Variants in RNF212B observed in about 807,000 individuals in gnomAD.
The protein encoded by RNF212B is ring finger protein 212B, also known as E3 ubiquitin-protein ligase RNF212B.
RNF212B carries 52 observed loss-of-function variants against 55.5 expected under a neutral mutation model. The observed-to-expected ratio is 0.94, with a 90% confidence interval of 0.75 to 1.18. The LOEUF is 1.18. Ranked by LOEUF, RNF212B falls within the 50% of genes most tolerant of loss-of-function variation. RNF212B has a pLI of 0.00. For synonymous variants in RNF212B, 99 were observed against 121.4 expected (o/e 0.82, Z 1.21); for missense variants, 289 against 350.4 (o/e 0.82, Z 1.40).
At chr14:23,210,883 T>C (rs1694236686) in intron 2 of RNF212B, among the ~76,000 whole-genome samples, 1 of 151,530 alleles carries the variant, frequency 6.6e-6, no homozygotes, top group African/African-American at 2.4e-5. Context: ...AACTTTCCTG[T>C]AAATCTAAAA....
intron 2 of RNF212B, among the ~76,000 whole-genome samples, chr14:23,216,577 A>T (rs570862856): frequency 9.2e-4 from 139 of 151,834 alleles, no homozygotes; most frequent in Middle Eastern, 3.4e-3. Context: ...TAAAAAAAAA[A>T]AAAAATAATA....
intron 1 of RNF212B, among the ~76,000 whole-genome samples, chr14:23,239,860 C>T (rs1883426909): frequency 1.3e-5 from 2 of 152,002 alleles, no homozygotes; most frequent in African/African-American, 4.8e-5. Context: ...TTCAGGTGAT[C>T]CACCTGCCTC....
chr14:23,193,091 T>TAAAAAAAAAAA (rs3045528), intron 1 of RNF212B, among the ~76,000 whole-genome samples: 1 of 113,124 alleles, frequency 8.8e-6, no homozygotes, highest in African/African-American at 3.3e-5. Context: ...AAACTCTGTC[T>TAAAAAAAAAAA]AAAAAAAAAA....
chr14:23,201,880 G>T (rs1879320998), intron 2 of RNF212B, among the ~76,000 whole-genome samples: 1 of 152,090 alleles, frequency 6.6e-6, no homozygotes, highest in Non-Finnish European at 1.5e-5. Context: ...TCCAAATTTT[G>T]TAAGCAATCT....
In RNF212B at chr14:23,223,640, C is replaced by A. The variant is rs549031552; in HGVS notation, c.-1-16705C>A. On this transcript the variant is annotated intron_variant, in intron 2 of 15. Coordinates refer to the RNF212B transcript ENST00000399910. ...AAAGTGCTGGGATTACAGGCGTGAG[C>A]CACCGCGCCCGGCCAAGCCTTTCTT... 2.0e-5 allele frequency among the ~76,000 whole-genome samples: 3 copies of A among 152,318 alleles called. No homozygotes were observed. The East Asian group carries it at 5.8e-4, about 29-fold the overall frequency.
At chr14:23,233,924 CT>C (rs1461664009), upstream of RNF212B, among the ~76,000 whole-genome samples, 1 of 152,018 alleles carries the variant, frequency 6.6e-6, no homozygotes, top group Non-Finnish European at 1.5e-5. Flanking sequence ...CGGTGAAACC[CT>C]GTCTCTACTA....
At chr14:23,195,500 T>C (rs1355615134) in intron 2 of RNF212B, among the ~76,000 whole-genome samples, 1 of 152,166 alleles carries the variant, frequency 6.6e-6, no homozygotes, top group East Asian at 1.9e-4. Flanking sequence ...GAACCAATTG[T>C]TTTGTAATGC....
chr14:23,257,990 A>T (rs2140467196), intron 4 of RNF212B, among the ~76,000 whole-genome samples: 1 of 152,322 alleles, frequency 6.6e-6, no homozygotes, highest in Non-Finnish European at 1.5e-5. Flanking sequence ...CTTGCACGGG[A>T]TGAAAAATTA....
chr14:23,248,377 C>A (rs1006018948), intron 4 of RNF212B, among the ~76,000 whole-genome samples: 1 of 151,276 alleles, frequency 6.6e-6, no homozygotes, highest in Non-Finnish European at 1.5e-5. Flanking sequence ...CGCAATCTGC[C>A]CGCCTCAGCC....
chr14:23,219,449 G>A (rs909284608), intron 2 of RNF212B, among the ~76,000 whole-genome samples: 1 of 151,182 alleles, frequency 6.6e-6, no homozygotes, highest in African/African-American at 2.4e-5. Flanking sequence ...AGAAGTTGAA[G>A]TGTAGCGCTC....
chr14:23,220,753 A>T (rs1881492691), intron 2 of RNF212B, among the ~76,000 whole-genome samples: 1 of 151,960 alleles, frequency 6.6e-6, no homozygotes, highest in African/African-American at 2.4e-5. Flanking sequence ...TGAACCTGGG[A>T]GATGGAACTT....
intron 11 of RNF212B, among the ~76,000 whole-genome samples, chr14:23,266,979 G>GT (rs1415063299): frequency 3.9e-5 from 6 of 151,982 alleles, no homozygotes; most frequent in African/African-American, 1.2e-4. Context: ...TTGTTTTCTT[G>GT]TTTTTTTGAG....
chr14:23,217,248 GC>G (rs1881171772), intron 2 of RNF212B, among the ~76,000 whole-genome samples: 1 of 20,502 alleles, frequency 4.9e-5, no homozygotes, highest in Non-Finnish European at 1.2e-4. Flanking sequence ...GGCAGTGGTG[GC>G]AGTGGTGGGG....
intron 2 of RNF212B, among the ~76,000 whole-genome samples, chr14:23,224,690 C>T (rs192999302): frequency 6.6e-6 from 1 of 152,052 alleles, no homozygotes; most frequent in East Asian, 1.9e-4. Flanking sequence ...GACACTGGTC[C>T]GGGCAAAAAT....
chr14:23,235,301 G>T (rs952797698), upstream of RNF212B, among the ~76,000 whole-genome samples: 5 of 152,052 alleles, frequency 3.3e-5, no homozygotes, highest in Admixed American at 3.3e-4. Context: ...AGCAAGCTAT[G>T]ATTGTGCCAC....
intron 2 of RNF212B, among the ~76,000 whole-genome samples, chr14:23,215,329 C>A (rs1158683302): frequency 6.6e-6 from 1 of 152,142 alleles, no homozygotes; most frequent in East Asian, 1.9e-4. Flanking sequence ...TTTCCCAGTT[C>A]TTTATAGCAG....
chr14:23,258,465 G>T, intron 4 of RNF212B, 84 bp from the exon 5 acceptor site: 1 of 609,668 alleles, frequency 1.6e-6, no homozygotes, highest in Admixed American at 3.3e-5. Flanking sequence ...AATAAAGTGT[G>T]ATTTGATGGC....
chr14:23,218,137 G>T (rs1448488703), intron 2 of RNF212B, among the ~76,000 whole-genome samples: 1 of 152,026 alleles, frequency 6.6e-6, no homozygotes, highest in African/African-American at 2.4e-5. Context: ...GGGAGGCTGA[G>T]GTGGGCGGAT....
In RNF212B at chr14:23,202,208, G is replaced by C. The variant is rs144798060; in HGVS notation, c.-2+8807G>C. On this transcript the variant is annotated intron_variant, in intron 2 of 15. Transcript: ENST00000399910. Reference sequence around the variant, plus strand: ...GGAGCTTGCAGTGAGCCGAGATTGCGCAACTGCACTCTAGCCTGGGCAACA... The same window carrying C: ...GGAGCTTGCAGTGAGCCGAGATTGCCCAACTGCACTCTAGCCTGGGCAACA... Among the ~76,000 whole-genome samples, 579 of 147,978 alleles carry C rather than the reference G, an allele frequency of 3.9e-3. 2 individuals are homozygous for C. Among genetic ancestry groups the C allele is most frequent in the African/African-American group, 0.014 (548 of 39,960 alleles).
Sources: allele counts gnomAD v4.1 joint callset (sites outside exome capture counted in the v4.1 genomes callset), GRCh38; gene constraint gnomAD v4.1.1; transcripts MANE v1.5; gene names NCBI Gene and HGNC (gene_info 2026-07-23, HGNC 2026-07-21).